KCNQ2: variants seen among roughly 807,000 people sequenced by gnomAD.
KCNQ2 encodes potassium voltage-gated channel subfamily Q member 2.
In KCNQ2, 14 loss-of-function variants were observed where a neutral mutation model predicts 84.8. The observed-to-expected ratio is 0.17, with a 90% CI of 0.11 to 0.26. The LOEUF is 0.26. Ranked by LOEUF, KCNQ2 falls within the 10% of genes least tolerant of loss-of-function variation. The probability of loss-of-function intolerance (pLI) is 1.00; values close to 1 mark genes in which losing one functional copy is unlikely to be tolerated. For synonymous variants in KCNQ2, 599 were observed against 554.1 expected, an observed-to-expected ratio of 1.08 and a Z score of -1.14; for missense variants, 788 against 1,254.0, an observed-to-expected ratio of 0.63 and a Z score of 5.61.
intron 15 of KCNQ2, among the ~76,000 whole-genome samples, chr20:63,409,636 T>C (rs1198907345): frequency 6.6e-6 from 1 of 152,146 alleles, no homozygotes; most frequent in Non-Finnish European, 1.5e-5. Flanking sequence ...GGCCACAAGC[T>C]CCCAAGTCTC....
rs924173837 is a variant in KCNQ2, at chr20:63,425,968, G to A, written c.1218-1762C>T. Among the ~76,000 whole-genome samples the A allele has an allele frequency of 5.3e-5, 8 of 152,182 alleles. No homozygotes were observed. Among genetic ancestry groups the A allele is most frequent in the East Asian group, 1.9e-4 (1 of 5,182 alleles). On this transcript the variant is annotated intron_variant, in intron 10 of 16. Transcript: ENST00000359125. The surrounding 1 kb of genome is among the most constrained non-coding windows in gnomAD (Gnocchi z 5.5). ...CCGCCGGCCACCACGTTTCCAATCCGGCGGGGCAAACTCCACGTGGCACAG... is the reference window on the plus strand; with the variant it reads ...CCGCCGGCCACCACGTTTCCAATCCAGCGGGGCAAACTCCACGTGGCACAG...
chr20:63,445,581 T>C (rs748058917), intron 2 of KCNQ2: 2 of 182,226 alleles, frequency 1.1e-5, no homozygotes, highest in South Asian at 1.4e-4. Context: ...CAGCTGAGCA[T>C]GAACACCATG....
At chr20:63,468,341 G>A (rs552281001) in intron 1 of KCNQ2, among the ~76,000 whole-genome samples, 1 of 152,314 alleles carries the variant, frequency 6.6e-6, no homozygotes, top group Non-Finnish European at 1.5e-5. Context: ...TCCTGCCAGG[G>A]CCCCGCTCTG....
intron 14 of KCNQ2, among the ~76,000 whole-genome samples, 168 bp downstream of exon 14, chr20:63,413,920 C>G (rs1262571884): frequency 6.6e-6 from 1 of 152,192 alleles, no homozygotes; most frequent in African/African-American, 2.4e-5. Context: ...GAGGAGTGCA[C>G]TCCAGGACAT....
intron 6 of KCNQ2, 152 bp downstream of exon 6, chr20:63,439,446 T>A: frequency 1.5e-6 from 1 of 681,794 alleles, no homozygotes; most frequent in East Asian, 2.7e-5. Flanking sequence ...GACCCTGAGC[T>A]GCCACCTCCA....
At chr20:63,465,337 G>C (rs1041053373) in intron 1 of KCNQ2, among the ~76,000 whole-genome samples, 1 of 152,236 alleles carries the variant, frequency 6.6e-6, no homozygotes, top group Non-Finnish European at 1.5e-5. Context: ...GCTTTCTCAG[G>C]CTAAAGGGGA....
Position 63,423,943 on chromosome 20 carries a change from G to A in KCNQ2, c.1247+234C>T, listed in dbSNP as rs568129222. 6.0e-3 allele frequency: 2,787 copies of A among 467,016 alleles called. 11 individuals are homozygous for A. Among genetic ancestry groups the A allele is most frequent in the Non-Finnish European group, 9.3e-3 (2,323 of 249,400 alleles). The allele number at this position is 467,016 out of a possible 1,614,324, so 28.9% of individuals were successfully genotyped here. ...CCCCCGAGAAGCCGCCCAGCTGCCC[G>A]GATCCACAGTGCTGCAAAGTAAAAC... On this transcript the variant is annotated intron_variant, in intron 11 of 16. Transcript: ENST00000359125.
At chr20:63,458,100 C>T (rs2081852274) in intron 1 of KCNQ2, among the ~76,000 whole-genome samples, 2 of 152,060 alleles carry the variant, frequency 1.3e-5, no homozygotes, top group African/African-American at 2.4e-5. Context: ...TCCCCGACCC[C>T]GCAACCTCCC....
intron 15 of KCNQ2, among the ~76,000 whole-genome samples, chr20:63,410,191 G>A (rs1008317830): frequency 6.6e-6 from 1 of 152,186 alleles, no homozygotes; most frequent in South Asian, 2.1e-4. Context: ...AGTCCCTGGT[G>A]TTCGGGGCAT....
chr20:63,435,084 C>G (rs2080953922), intron 7 of KCNQ2, among the ~76,000 whole-genome samples: 1 of 152,202 alleles, frequency 6.6e-6, no homozygotes, highest in Admixed American at 6.5e-5. Flanking sequence ...ATCCTCACTA[C>G]GCTGATTTGC....
chr20:63,432,224 CTCCACCCACAGGGAA>C (rs2080828970), intron 8 of KCNQ2, among the ~76,000 whole-genome samples: 1 of 142,280 alleles, frequency 7.0e-6, no homozygotes, highest in Admixed American at 7.1e-5. Context: ...ACAGGGAAGG[CTCCACCCACAGGGAA>C]GGATCCACCC....
In KCNQ2 at chr20:63,406,658, C is replaced by A. The variant is rs762910638; in HGVS notation, c.2605G>T (p.Gly869Trp). The change falls in exon 17 of 17, where the codon GGG becomes TGG. Residue 869 changes from glycine (G) to tryptophan (W), a missense_variant. Coordinates refer to ENST00000359125, the MANE Select transcript of KCNQ2 (RefSeq NM_172107.4). ...CCAGCGCCGCCTCACTTCCTGGGCC[C>A]GGCCCAGCCCACGTCACCAAAGGGA... ...EGPFGDVGWA[G>W]PRK is the part of the protein sequence containing the mutation. The A allele has an allele frequency of 6.3e-7, 1 of 1,593,620 alleles. No homozygotes were observed. The highest frequency in any genetic ancestry group is 8.5e-7 in the Non-Finnish European group (1 of 1,174,108).
chr20:63,436,169 G>A (rs1279266330), intron 7 of KCNQ2, among the ~76,000 whole-genome samples: 1 of 152,186 alleles, frequency 6.6e-6, no homozygotes, highest in African/African-American at 2.4e-5. Context: ...AGAATCGCAT[G>A]CTGCAGAGAA....
At chr20:63,459,474 T>C (rs2081894008) in intron 1 of KCNQ2, 1 of 152,166 alleles carries the variant, frequency 6.6e-6, no homozygotes, top group Non-Finnish European at 1.5e-5. Flanking sequence ...ATTGAGACAC[T>C]GCACTCCAGC....
intron 1 of KCNQ2, among the ~76,000 whole-genome samples, chr20:63,456,555 G>A (rs574108117): frequency 2.6e-4 from 40 of 152,298 alleles, no homozygotes; most frequent in Middle Eastern, 6.8e-3. Flanking sequence ...CCCTGCCTCA[G>A]ACAGAGCCAG....
chr20:63,459,308 G>A (rs1353527188), intron 1 of KCNQ2, among the ~76,000 whole-genome samples: 2 of 152,220 alleles, frequency 1.3e-5, no homozygotes, highest in Non-Finnish European at 2.9e-5. Context: ...TTGGGCCTAG[G>A]AGTTCGAGAC....
At position 63,425,662 on chromosome 20, in the gene KCNQ2, G is replaced by A. The variant is rs376334086; in HGVS notation, c.1218-1456C>T. Among the ~76,000 whole-genome samples the A allele has an allele frequency of 1.4e-4, 22 of 152,266 alleles. No individual in the cohort carries two copies. Among genetic ancestry groups the A allele is most frequent in the African/African-American group, 4.6e-4 (19 of 41,538 alleles). ...TTGAACCCAGGAGGCAGAGGTTGCA[G>A]TAAGCTGTGATTGCGCCACTGCACT... On this transcript the variant is annotated intron_variant, in intron 10 of 16. Transcript: ENST00000359125. This position sits in a 1 kb window ranked among gnomAD's most constrained non-coding sequence, Gnocchi z 5.5.
intron 10 of KCNQ2, among the ~76,000 whole-genome samples, 196 bp downstream of exon 10, chr20:63,428,171 C>A (rs2080686987): frequency 1.3e-5 from 2 of 152,196 alleles, no homozygotes; most frequent in African/African-American, 4.8e-5. Flanking sequence ...ACCAGCTGCC[C>A]CTCTGGGGGT....
rs951286775 is a variant in KCNQ2, at chr20:63,406,698, C to T, written c.2565G>A (p.Ser855=). 23 of 1,606,890 alleles carry T rather than the reference C, an allele frequency of 1.4e-5. No homozygotes were observed. Among genetic ancestry groups the T allele is most frequent in the East Asian group, 4.5e-5 (2 of 44,668 alleles). The change falls in exon 17 of 17, where the codon TCG becomes TCA. Residue 855 remains serine, a synonymous_variant. Transcript: ENST00000359125. ...LCTPCGPPPR[S]ATGEGPFGDV... ...CACCAAAGGGACCCTCGCCGGTGGC[C>T]GAGCGTGGCGGGGGCCCGCACGGGG...
Sources: allele counts gnomAD v4.1 joint callset (sites outside exome capture counted in the v4.1 genomes callset), GRCh38; gene constraint gnomAD v4.1.1; non-coding constraint Gnocchi (gnomAD v3.1); transcripts MANE v1.5; gene names NCBI Gene and HGNC (gene_info 2026-07-23, HGNC 2026-07-21).